PCDHB13: variants seen among roughly 807,000 people sequenced by gnomAD.
The protein encoded by PCDHB13 is protocadherin beta 13, also known as protocadherin beta-13.
For missense variants in PCDHB13, 1,065 were observed against 1,016.7 expected, an observed-to-expected ratio of 1.05 and a Z score of -0.65; for synonymous variants, 515 against 450.7, an observed-to-expected ratio of 1.14 and a Z score of -1.81.
chr5:141,216,492 C>G lies in PCDHB13; in HGVS notation c.2369C>G (p.Pro790Arg). The change falls in exon 1 of 1, where the codon CCC becomes CGC. Residue 790 changes from proline (P) to arginine (R), a missense_variant. Physicochemically the swap from Pro to Arg is moderately radical, Grantham distance 103. Coordinates refer to ENST00000341948, the MANE Select transcript of PCDHB13 (RefSeq NM_018933.4). ...GAAATACAAGGAAATTCTACCTTCC[C>G]CAATAACTTTGGGTTCAATATTCAG... ...GKEIQGNSTF[P>R]NNFGFNIQ 2 of 1,613,896 alleles carry G rather than the reference C, an allele frequency of 1.2e-6. No homozygotes were observed. Among genetic ancestry groups the G allele is most frequent in the Non-Finnish European group, 1.7e-6 (2 of 1,179,920 alleles).
chr5:141,217,984 A>G lies in PCDHB13; in HGVS notation c.*1464A>G, dbSNP rs1169363557. 1 of 164,550 alleles carries G rather than the reference A, an allele frequency of 6.1e-6. No homozygotes were observed. The allele number at this position is 164,550 out of a possible 1,614,324, so 10.2% of individuals were successfully genotyped here. A position where few individuals can be genotyped will look rare whatever the true frequency, so the allele number is the denominator to read the frequency against. ...GGTCCTGTTCTGTCACCCAGGCTGG[A>G]GTGCAGTGGTGTGATCTCCACTCAC... is the stretch of plus-strand genomic sequence containing the variant. On this transcript the variant is annotated 3_prime_UTR_variant, in exon 1 of 1. Coordinates refer to ENST00000341948, the MANE Select transcript of PCDHB13 (RefSeq NM_018933.4).
In PCDHB13 at chr5:141,214,569, C is replaced by T. The variant is rs141301291; in HGVS notation, c.446C>T (p.Pro149Leu). The change falls in exon 1 of 1, where the codon CCT becomes CTT. Residue 149 changes from proline (P) to leucine (L), a missense_variant. Pro to Leu is a moderately conservative substitution (Grantham distance 98). Transcript: ENST00000341948. ...MLVKVSESSPPGTTFPLKNAE... is the reference protein window; with the variant it reads ...MLVKVSESSPLGTTFPLKNAE... ...GTGAAAGTATCAGAGAGCAGTCCTC[C>T]TGGGACTACGTTTCCTCTGAAGAAT... The T allele has an allele frequency of 2.2e-5, 36 of 1,614,178 alleles. No homozygotes were observed. The African/African-American group carries it at 3.5e-4, about 16-fold the overall frequency.
In PCDHB13 at chr5:141,215,103, C is replaced by G. The variant is rs114453992; in HGVS notation, c.980C>G (p.Thr327Ser). ...EVNIEARDAG[T>S]FSGKCTVLIQ... Reference sequence around the variant, plus strand: ...AATATTGAGGCAAGAGATGCTGGAACCTTTTCTGGAAAATGCACCGTTCTG... The same window carrying G: ...AATATTGAGGCAAGAGATGCTGGAAGCTTTTCTGGAAAATGCACCGTTCTG... The change falls in exon 1 of 1, where the codon ACC (threonine) becomes AGC (serine). Residue 327 changes from threonine to serine, a missense_variant. Physicochemically the swap from Thr to Ser is moderately conservative, Grantham distance 58. Transcript: ENST00000341948. 42 of 1,614,082 alleles carry G rather than the reference C, an allele frequency of 2.6e-5. No homozygotes were observed. The highest frequency in any genetic ancestry group is 1.7e-4 in the Middle Eastern group (1 of 6,060).
chr5:141,216,327 A>G lies in PCDHB13; in HGVS notation c.2204A>G (p.His735Arg), dbSNP rs199664480. ...GTGCCCGAGGGCCCCCTTCCAGGGC[A>G]TCTTGTGGACATGAGCGGCACCAGG... ...CLVPEGPLPG[H>R]LVDMSGTRTL... Residue 735 changes from histidine to arginine, a missense_variant, in exon 1 of 1, where the codon CAT becomes CGT. Coordinates refer to ENST00000341948, the MANE Select transcript of PCDHB13 (RefSeq NM_018933.4). 6.2e-6 allele frequency: 10 copies of G among 1,614,124 alleles called. No homozygotes were observed. The African/African-American group carries it at 6.7e-5, about 11-fold the overall frequency.
At position 141,218,820 on chromosome 5, in the gene PCDHB13, G is replaced by A; in HGVS notation, c.*2300G>A. 6.0e-6 allele frequency: 1 copy of A among 167,106 alleles called. No homozygotes were observed. Among genetic ancestry groups the A allele is most frequent in the Non-Finnish European group, 1.5e-5 (1 of 68,158 alleles). The allele number at this position is 167,106 out of a possible 1,614,324, so 10.4% of individuals were successfully genotyped here. On this transcript the variant is annotated 3_prime_UTR_variant, in exon 1 of 1. Transcript: ENST00000341948. Reference sequence around the variant, plus strand: ...GGGTTCTCATCATGTCGCCCAGGCTGTTGAACTTCTGGCCTCCAAAGGTGG... The same window carrying A: ...GGGTTCTCATCATGTCGCCCAGGCTATTGAACTTCTGGCCTCCAAAGGTGG...
Position 141,216,093 on chromosome 5 carries a change from C to T in PCDHB13, c.1970C>T (p.Thr657Met). The change falls in exon 1 of 1, where the codon ACG becomes ATG. Residue 657 changes from threonine (T) to methionine (M), a missense_variant. Thr to Met is a moderately conservative substitution (Grantham distance 81, BLOSUM62 -1). Transcript: ENST00000341948. ...NGEPPRSATA[T>M]LHVLLVDGFS... ...GAGCCTCCGCGCTCGGCCACCGCCA[C>T]GCTGCACGTGCTCCTGGTGGACGGC... The T allele has an allele frequency of 6.2e-7, 1 of 1,607,556 alleles. No homozygotes were observed. Among genetic ancestry groups the T allele is most frequent in the East Asian group, 2.2e-5 (1 of 44,874 alleles).
chr5:141,215,853 C>G lies in PCDHB13; in HGVS notation c.1730C>G (p.Pro577Arg). The change falls in exon 1 of 1, where the codon CCC (proline) becomes CGC (arginine). Residue 577 changes from proline (P) to arginine (R), a missense_variant. Physicochemically the swap from Pro to Arg is moderately radical, Grantham distance 103. Coordinates refer to ENST00000341948, the MANE Select transcript of PCDHB13 (RefSeq NM_018933.4). ...TCCGCGCCCTGCACCGAGCTGGTGC[C>G]CCGGGCGGCCGAGCCGGGCTACCTG... ...NGSAPCTELV[P>R]RAAEPGYLVT... 1.9e-6 allele frequency: 3 copies of G among 1,608,168 alleles called. No individual in the cohort carries two copies. In the East Asian group the frequency reaches 6.7e-5, roughly 36 times the overall value.
At position 141,215,651 on chromosome 5, in the gene PCDHB13, A is replaced by C. The variant is rs200402594; in HGVS notation, c.1528A>C (p.Asn510His). ...ATCCCTGGTCTCCATCAACGCGGAC[A>C]ACGGCCACCTGTTCGCCCTCAGGTC... is the stretch of plus-strand genomic sequence containing the variant. ...LTSLVSINAD[N>H]GHLFALRSLD... The change falls in exon 1 of 1, where the codon AAC becomes CAC. Residue 510 changes from asparagine to histidine, a missense_variant. Asn to His is a moderately conservative substitution (Grantham distance 68). Transcript: ENST00000341948. The C allele has an allele frequency of 1.2e-6, 2 of 1,613,486 alleles. No individual in the cohort carries two copies. Among genetic ancestry groups the C allele is most frequent in the African/African-American group, 2.7e-5 (2 of 75,046 alleles).
At position 141,213,982 on chromosome 5, in the gene PCDHB13, A is replaced by G; in HGVS notation, c.-142A>G. ...AGTCCACGGGGAGCTTGGATGCCAA[A>G]GGGAGGACGGCTGGGTCCTCTGGAG... is the stretch of plus-strand genomic sequence containing the variant. On this transcript the variant is annotated 5_prime_UTR_variant, in exon 1 of 1. Transcript: ENST00000341948. The G allele has an allele frequency of 1.6e-6, 1 of 623,810 alleles. No homozygotes were observed. The highest frequency in any genetic ancestry group is 2.9e-6 in the Non-Finnish European group (1 of 344,384). The allele number at this position is 623,810 out of a possible 1,614,324, so 38.6% of individuals were successfully genotyped here.
At position 141,216,380 on chromosome 5, in the gene PCDHB13, G is replaced by A. The variant is rs1754615222; in HGVS notation, c.2257G>A (p.Val753Met). The change falls in exon 1 of 1, where the codon GTG (valine) becomes ATG (methionine). Residue 753 changes from valine (V) to methionine (M), a missense_variant. By Grantham distance (21) the Val-to-Met change is conservative. Coordinates refer to ENST00000341948, the MANE Select transcript of PCDHB13 (RefSeq NM_018933.4). ...CCTATCCCAGAGCTACCAGTATGAG[G>A]TGTGTCTGGCAGGAGGCTCAGGGAC... ...RTLSQSYQYE[V>M]CLAGGSGTNE... 8.1e-6 allele frequency: 13 copies of A among 1,614,046 alleles called. No individual in the cohort carries two copies. Among genetic ancestry groups the A allele is most frequent in the African/African-American group, 1.3e-5 (1 of 74,914 alleles).
At position 141,216,585 on chromosome 5, in the gene PCDHB13, T is replaced by G; in HGVS notation, c.*65T>G. The G allele has an allele frequency of 7.7e-7, 1 of 1,301,732 alleles. No homozygotes were observed. The highest frequency in any genetic ancestry group is 1.1e-6 in the Non-Finnish European group (1 of 894,806). 80.6% of individuals were successfully genotyped at this position (1,301,732 alleles called of 1,614,324 possible). Reference sequence around the variant, plus strand: ...TGGCATTTCCATGCCAATGTTTATTTCCCCCAATTTGTGTGTATGTAATAT... The same window carrying G: ...TGGCATTTCCATGCCAATGTTTATTGCCCCCAATTTGTGTGTATGTAATAT... On this transcript the variant is annotated 3_prime_UTR_variant, in exon 1 of 1. Coordinates refer to ENST00000341948, the MANE Select transcript of PCDHB13 (RefSeq NM_018933.4).
At position 141,215,502 on chromosome 5, in the gene PCDHB13, T is replaced by C; in HGVS notation, c.1379T>C (p.Val460Ala). Residue 460 changes from valine (V) to alanine (A), a missense_variant, in exon 1 of 1, where the codon GTC becomes GCC. Transcript: ENST00000341948. ...AFTQTSYTLF[V>A]RENNSPALHI... Reference sequence around the variant, plus strand: ...ACCCAAACCTCCTACACCCTGTTCGTCCGCGAGAACAACAGCCCCGCCCTG... The same window carrying C: ...ACCCAAACCTCCTACACCCTGTTCGCCCGCGAGAACAACAGCCCCGCCCTG... The C allele has an allele frequency of 6.2e-7, 1 of 1,614,026 alleles. No homozygotes were observed. Among genetic ancestry groups the C allele is most frequent in the Non-Finnish European group, 8.5e-7 (1 of 1,179,960 alleles).
rs1754512292 is a variant in PCDHB13 at position 141,213,930 on chromosome 5, A to G, written c.-194A>G. On this transcript the variant is annotated 5_prime_UTR_variant, in exon 1 of 1. Coordinates refer to ENST00000341948, the MANE Select transcript of PCDHB13 (RefSeq NM_018933.4). Reference sequence around the variant, plus strand: ...CCAGAACCGCAGCTGCAGCTCCATTAACCGGCAAAAAGCAGCAGAACCTGG... The same window carrying G: ...CCAGAACCGCAGCTGCAGCTCCATTGACCGGCAAAAAGCAGCAGAACCTGG... 3 of 600,694 alleles carry G rather than the reference A, an allele frequency of 5.0e-6. No individual in the cohort carries two copies. The highest frequency in any genetic ancestry group is 9.1e-6 in the Non-Finnish European group (3 of 328,352). The allele number at this position is 600,694 out of a possible 1,614,324, so 37.2% of individuals were successfully genotyped here.
Position 141,217,055 on chromosome 5 carries a change from A to G in PCDHB13, c.*535A>G. 1 of 183,476 alleles carries G rather than the reference A, an allele frequency of 5.5e-6. No individual in the cohort carries two copies. Among genetic ancestry groups the G allele is most frequent in the Non-Finnish European group, 1.2e-5 (1 of 80,090 alleles). 11.4% of individuals were successfully genotyped at this position (183,476 alleles called of 1,614,324 possible). On this transcript the variant is annotated 3_prime_UTR_variant, in exon 1 of 1. Coordinates refer to ENST00000341948, the MANE Select transcript of PCDHB13 (RefSeq NM_018933.4). ...TCTAAGTGTTATCACTTGATTCGAA[A>G]GGGTCAGAAGACCAGTTTTTTAGTA...
rs1754545776 is a variant in PCDHB13, at chr5:141,214,812, A to G, written c.689A>G (p.Tyr230Cys). Residue 230 changes from tyrosine (Y) to cysteine (C), a missense_variant, in exon 1 of 1, where the codon TAC becomes TGC. Coordinates refer to ENST00000341948, the MANE Select transcript of PCDHB13 (RefSeq NM_018933.4). ...SPPRSGTAQV[Y>C]IEVLDVNDNA... Reference sequence around the variant, plus strand: ...CCCAGATCTGGCACTGCTCAGGTCTACATCGAAGTCCTGGATGTCAACGAT... The same window carrying G: ...CCCAGATCTGGCACTGCTCAGGTCTGCATCGAAGTCCTGGATGTCAACGAT... 1.9e-6 allele frequency: 3 copies of G among 1,614,138 alleles called. No individual in the cohort carries two copies. Among genetic ancestry groups the G allele is most frequent in the South Asian group, 1.1e-5 (1 of 91,090 alleles).
rs1754550384 is a variant in PCDHB13 at position 141,214,919 on chromosome 5, T to G, written c.796T>G (p.Ser266Ala). The change falls in exon 1 of 1, where the codon TCT (serine) becomes GCT (alanine). Residue 266 changes from serine to alanine, a missense_variant. Coordinates refer to ENST00000341948, the MANE Select transcript of PCDHB13 (RefSeq NM_018933.4). ...SPVGFLVVKV[S>A]ATDVDTGVNG... ...GGTAGGCTTCCTGGTTGTGAAGGTC[T>G]CTGCCACGGATGTAGACACAGGAGT... 1 of 1,614,134 alleles carries G rather than the reference T, an allele frequency of 6.2e-7. No individual in the cohort carries two copies. Among genetic ancestry groups the G allele is most frequent in the Non-Finnish European group, 8.5e-7 (1 of 1,180,056 alleles).
In PCDHB13 at chr5:141,214,100, A is replaced by G. The variant is rs782079473; in HGVS notation, c.-24A>G. The G allele has an allele frequency of 1.2e-6, 2 of 1,614,170 alleles. No individual in the cohort carries two copies. Among genetic ancestry groups the G allele is most frequent in the Non-Finnish European group, 1.7e-6 (2 of 1,180,010 alleles). On this transcript the variant is annotated 5_prime_UTR_variant, in exon 1 of 1. Transcript: ENST00000341948. ...TACAGTCCCACAGAACCGTCCTCCC[A>G]GGAAGCTGAATCCAGCAAGAACAAT...
chr5:141,218,188 G>A lies in PCDHB13; in HGVS notation c.*1668G>A, dbSNP rs1298600341. 1 of 162,810 alleles carries A rather than the reference G, an allele frequency of 6.1e-6. No homozygotes were observed. Among genetic ancestry groups the A allele is most frequent in the Admixed American group, 6.5e-5 (1 of 15,276 alleles). 10.1% of individuals were successfully genotyped at this position (162,810 alleles called of 1,614,324 possible). A position where few individuals can be genotyped will look rare whatever the true frequency, so the allele number is the denominator to read the frequency against. On this transcript the variant is annotated 3_prime_UTR_variant, in exon 1 of 1. Transcript: ENST00000341948. ...GGTCTCGAATTCCTGAGCTCAAGCA[G>A]TCTGCCTGCCTCAGCCTCCCAAAGT...
Position 141,215,546 on chromosome 5 carries a change from G to A in PCDHB13, c.1423G>A (p.Ala475Thr), listed in dbSNP as rs782802192. The A allele has an allele frequency of 3.7e-6, 6 of 1,613,760 alleles. No homozygotes were observed. The highest frequency in any genetic ancestry group is 3.4e-6 in the Non-Finnish European group (4 of 1,179,958). ...CGCCCTGCACATCCGCAGCGTCAGC[G>A]CTACAGACAGAGACTCAGGCACCAA... ...SPALHIRSVS[A>T]TDRDSGTNAQ... The change falls in exon 1 of 1, where the codon GCT (alanine) becomes ACT (threonine). Residue 475 changes from alanine to threonine, a missense_variant. Ala to Thr is a moderately conservative substitution (Grantham distance 58, BLOSUM62 0). Transcript: ENST00000341948.
Sources: gnomAD v4.1 joint callset for allele counts on GRCh38, gnomAD v4.1.1 for gene constraint, MANE v1.5 for transcripts, NCBI Gene and HGNC (gene_info 2026-07-23, HGNC 2026-07-21) for gene names.